The following DYNC1I1 variants were observed in gnomAD, a reference collection of about 807,000 sequenced individuals.
The protein encoded by DYNC1I1 is cytoplasmic dynein 1 intermediate chain 1.
DYNC1I1 carries 43 observed loss-of-function variants against 86.6 expected under a neutral mutation model. That is an observed-to-expected ratio of 0.50 (90% confidence interval 0.39 to 0.64). The LOEUF (loss-of-function observed/expected upper bound fraction) is 0.64, where lower values mean the gene tolerates loss of function less well. DYNC1I1 is among the 30% of genes least tolerant of loss of function. The probability of loss-of-function intolerance (pLI) is 0.00; values close to 1 mark genes in which losing one functional copy is unlikely to be tolerated. For synonymous variants in DYNC1I1, 262 were observed against 283.7 expected (o/e 0.92, Z 0.77); for missense variants, 604 against 788.8 (o/e 0.77, Z 2.81).
intron 5 of DYNC1I1, among the ~76,000 whole-genome samples, chr7:95,858,766 C>T (rs1442540781): frequency 6.6e-6 from 1 of 151,394 alleles, no homozygotes; most frequent in Admixed American, 6.6e-5. Flanking sequence ...TTTAAATAAG[C>T]TTTCTACCCT....
intron 1 of DYNC1I1, among the ~76,000 whole-genome samples, chr7:95,781,250 T>A (rs1369523458): frequency 6.6e-6 from 1 of 152,224 alleles, no homozygotes; most frequent in Non-Finnish European, 1.5e-5. Flanking sequence ...ACACATTTTC[T>A]TGCCTCCTAT....
chr7:96,041,109 G>A (rs535611059), intron 14 of DYNC1I1, among the ~76,000 whole-genome samples: 1 of 152,212 alleles, frequency 6.6e-6, no homozygotes, highest in South Asian at 2.1e-4. Flanking sequence ...CTAGAAAAGG[G>A]AGATGAAAAA....
At chr7:96,069,874 G>A (rs1272545239) in intron 14 of DYNC1I1, among the ~76,000 whole-genome samples, 1 of 152,158 alleles carries the variant, frequency 6.6e-6, no homozygotes, top group African/African-American at 2.4e-5. Flanking sequence ...TACATTTATA[G>A]AGAAGCAAAT....
intron 6 of DYNC1I1, among the ~76,000 whole-genome samples, chr7:95,932,070 T>C (rs911662736): frequency 1.3e-5 from 2 of 152,244 alleles, no homozygotes; most frequent in Non-Finnish European, 2.9e-5. Context: ...TTTTTCCATT[T>C]AACAGAATAC....
intron 1 of DYNC1I1, among the ~76,000 whole-genome samples, chr7:95,789,947 C>G (rs1213836748): frequency 6.6e-6 from 1 of 152,204 alleles, no homozygotes; most frequent in Non-Finnish European, 1.5e-5. Flanking sequence ...TAATTCTAAG[C>G]TGTTACATCA....
intron 1 of DYNC1I1, among the ~76,000 whole-genome samples, chr7:95,798,288 C>T (rs1470666806): frequency 6.6e-6 from 1 of 151,742 alleles, no homozygotes; most frequent in African/African-American, 2.4e-5. Flanking sequence ...GAAAATAACC[C>T]TCCTTTCACT....
chr7:96,018,500 C>A (rs559590395), intron 10 of DYNC1I1, among the ~76,000 whole-genome samples: 61 of 152,244 alleles, frequency 4.0e-4, no homozygotes, highest in Non-Finnish European at 7.6e-4. Flanking sequence ...AGTAACTGCA[C>A]AAAAATTTTG....
intron 3 of DYNC1I1, among the ~76,000 whole-genome samples, chr7:95,811,093 G>T (rs918123569): frequency 1.3e-5 from 2 of 151,980 alleles, no homozygotes; most frequent in East Asian, 1.9e-4. Flanking sequence ...CCTCTAATTC[G>T]TTCATTCCTA....
At chr7:95,997,254 T>C (rs1190003800) in intron 10 of DYNC1I1, among the ~76,000 whole-genome samples, 2 of 152,158 alleles carry the variant, frequency 1.3e-5, no homozygotes, top group Admixed American at 1.3e-4. Flanking sequence ...CTTGATATGC[T>C]CCTTCTGTAA....
At chr7:96,069,035 C>G (rs1041181901) in intron 14 of DYNC1I1, among the ~76,000 whole-genome samples, 4 of 152,154 alleles carry the variant, frequency 2.6e-5, no homozygotes, top group African/African-American at 9.7e-5. Flanking sequence ...CTTCCAGGCC[C>G]TGATACAACC....
intron 11 of DYNC1I1, 59 bp from the exon 12 acceptor site, chr7:96,032,608 C>T (rs913482170): frequency 7.6e-7 from 1 of 1,317,916 alleles, no homozygotes; most frequent in Admixed American, 1.7e-5. Flanking sequence ...GTTTGACACT[C>T]AAATGTAAGC....
At chr7:95,847,047 T>C (rs1562920017) in intron 5 of DYNC1I1, among the ~76,000 whole-genome samples, 1 of 152,206 alleles carries the variant, frequency 6.6e-6, no homozygotes, top group Non-Finnish European at 1.5e-5. Context: ...TGCATTTTGT[T>C]AACCCCAAAG....
At position 95,871,732 on chromosome 7, in the gene DYNC1I1, G is replaced by C. The variant is rs147673040; in HGVS notation, c.490+1734G>C. Among the ~76,000 whole-genome samples, 1,095 of 152,288 alleles carry C rather than the reference G, an allele frequency of 7.2e-3. 9 individuals carry two copies. The highest frequency in any genetic ancestry group is 0.011 in the Non-Finnish European group (759 of 68,026). On this transcript the variant is annotated intron_variant, in intron 6 of 16. Transcript: ENST00000447467. ...AACTGGAGCACATCAAAAGGAAAAG[G>C]CTGTACATTCCATTTTATTACTGCA...
intron 1 of DYNC1I1, among the ~76,000 whole-genome samples, chr7:95,791,577 A>G (rs1794303708): frequency 6.6e-6 from 1 of 152,234 alleles, no homozygotes; most frequent in African/African-American, 2.4e-5. Context: ...TTATTTTTAC[A>G]TCACTGTTAA....
chr7:95,870,757 G>A (rs923690872), intron 6 of DYNC1I1, among the ~76,000 whole-genome samples: 1 of 152,240 alleles, frequency 6.6e-6, no homozygotes, highest in Non-Finnish European at 1.5e-5. Context: ...ACTCATGAGA[G>A]AAGTCGAAGT....
intron 14 of DYNC1I1, among the ~76,000 whole-genome samples, chr7:96,073,964 G>T (rs1252078431): frequency 6.6e-6 from 1 of 152,184 alleles, no homozygotes; most frequent in Non-Finnish European, 1.5e-5. Context: ...AGTCCAAACA[G>T]GGAGAGAAAG....
chr7:96,105,143 TAGAA>T lies in DYNC1I1; in HGVS notation c.1543-4834_1543-4831del, dbSNP rs766323985. ...TTTAACAAAATTTTTTACTAGTTTG[TAGAA>T]ATTTAGTTTTGTATATTGATGTTAT... is the stretch of plus-strand genomic sequence containing the variant. On this transcript the variant is annotated intron_variant, in intron 16 of 16. Transcript: ENST00000537881. 3.0e-4 allele frequency among the ~76,000 whole-genome samples: 45 copies of T among 152,162 alleles called. 1 individual carries two copies. The highest frequency in any genetic ancestry group is 5.9e-4 in the Non-Finnish European group (40 of 67,918).
intron 14 of DYNC1I1, among the ~76,000 whole-genome samples, chr7:96,065,171 A>G (rs765351509): frequency 6.6e-6 from 1 of 151,968 alleles, no homozygotes; most frequent in Non-Finnish European, 1.5e-5. Context: ...CCATCAACGA[A>G]TTCCTAATTG....
intron 7 of DYNC1I1, among the ~76,000 whole-genome samples, chr7:95,982,898 G>A (rs1201455625): frequency 6.6e-6 from 1 of 152,090 alleles, no homozygotes; most frequent in African/African-American, 2.4e-5. Context: ...TCATTTACAG[G>A]AGTTTTAGAA....
Sources: gnomAD v4.1 joint callset for allele counts (sites outside exome capture counted in the v4.1 genomes callset) on GRCh38, gnomAD v4.1.1 for gene constraint, MANE v1.5 for transcripts, NCBI Gene and HGNC (gene_info 2026-07-23, HGNC 2026-07-21) for gene names.